Variants in NTM observed in about 807,000 individuals in gnomAD.
The protein encoded by NTM is IgLON family member 2.
Under a neutral mutation model 42.1 loss-of-function variants are expected in NTM, and 13 were observed. The observed-to-expected ratio is 0.31, with a 90% confidence interval of 0.20 to 0.49. The LOEUF is 0.49. NTM is among the 20% of genes least tolerant of loss of function. NTM has a pLI of 0.99. For missense variants in NTM, 373 were observed against 452.8 expected (o/e 0.82, Z 1.60); for synonymous variants, 187 against 179.2 (o/e 1.04, Z -0.35).
At chr11:131,570,028 G>A (rs2057304956) in intron 1 of NTM, among the ~76,000 whole-genome samples, 1 of 152,208 alleles carries the variant, frequency 6.6e-6, no homozygotes, top group Admixed American at 6.5e-5. Context: ...GCTCCTAGGA[G>A]CTTGTCTTTT....
At chr11:131,879,556 G>A (rs576987908) in intron 1 of NTM, among the ~76,000 whole-genome samples, 2 of 152,254 alleles carry the variant, frequency 1.3e-5, no homozygotes, top group Admixed American at 6.5e-5. Context: ...TCAGAAAGGT[G>A]GAATGGAAAA....
chr11:131,424,973 G>T (rs2135863071), intron 1 of NTM, among the ~76,000 whole-genome samples: 1 of 150,476 alleles, frequency 6.6e-6, no homozygotes, highest in South Asian at 2.1e-4. Context: ...TCCGCCTCCT[G>T]GGTTCAAGCA....
intron 1 of NTM, among the ~76,000 whole-genome samples, chr11:131,657,033 A>G (rs2067277578): frequency 6.6e-6 from 1 of 151,192 alleles, no homozygotes; most frequent in African/African-American, 2.4e-5. Flanking sequence ...GCTTCTCTGC[A>G]TTGTTAGCGG....
Position 132,102,371 on chromosome 11 carries a change from G to A in NTM, c.168-43911G>A, listed in dbSNP as rs558764468. On this transcript the variant is annotated intron_variant, in intron 2 of 8. Transcript: ENST00000683400. ...GCTCCTAGGATGTGTTTCTTGCACT[G>A]GAAAGAAGTATTCCTAAGAAGAGAG... 4.6e-5 allele frequency among the ~76,000 whole-genome samples: 7 copies of A among 152,282 alleles called. No individual in the cohort carries two copies. In the South Asian group the frequency reaches 1.5e-3, roughly 32 times the overall value.
chr11:132,042,599 A>G (rs187623103), intron 2 of NTM, among the ~76,000 whole-genome samples: 177 of 152,292 alleles, frequency 1.2e-3, no homozygotes, highest in African/African-American at 4.1e-3. Context: ...TGCCTCCAAG[A>G]AGACAAAGAG....
chr11:131,529,284 A>G (rs2050917693), intron 1 of NTM, among the ~76,000 whole-genome samples: 2 of 152,372 alleles, frequency 1.3e-5, no homozygotes, highest in African/African-American at 4.8e-5. Context: ...CCAGAGGACA[A>G]TCATGTAAAA....
At chr11:131,820,923 C>T (rs976993087) in intron 1 of NTM, among the ~76,000 whole-genome samples, 1 of 152,128 alleles carries the variant, frequency 6.6e-6, no homozygotes, top group Non-Finnish European at 1.5e-5. Context: ...ATTCACACCT[C>T]CTTGTGCACA....
rs7123942 is a variant in NTM at position 132,001,158 on chromosome 11, G to A, written c.167+89510G>A. On this transcript the variant is annotated intron_variant, in intron 2 of 8. Transcript: ENST00000683400. ...GTTGCTAAAGAAAAAAAGCGGCATT[G>A]TATGATTCCATATCAAAGTAGGGCA... is the stretch of plus-strand genomic sequence containing the variant. Among the ~76,000 whole-genome samples, 688 of 152,288 alleles carry A rather than the reference G, an allele frequency of 4.5e-3. 9 individuals are homozygous for A. Among genetic ancestry groups the A allele is most frequent in the African/African-American group, 0.016 (646 of 41,560 alleles).
chr11:131,721,421 G>A (rs2078319013), intron 1 of NTM, among the ~76,000 whole-genome samples: 1 of 152,034 alleles, frequency 6.6e-6, no homozygotes, highest in Non-Finnish European at 1.5e-5. Flanking sequence ...GGATAAGAGT[G>A]CCTCCTTCAT....
At chr11:131,857,821 C>T (rs1203402640) in intron 1 of NTM, among the ~76,000 whole-genome samples, 1 of 152,182 alleles carries the variant, frequency 6.6e-6, no homozygotes, top group Non-Finnish European at 1.5e-5. Flanking sequence ...TCCAATCATC[C>T]TCCCTGCACC....
At chr11:131,432,543 GAC>G (rs1948735261) in intron 1 of NTM, among the ~76,000 whole-genome samples, 1 of 152,144 alleles carries the variant, frequency 6.6e-6, no homozygotes, top group Non-Finnish European at 1.5e-5. Context: ...GGACAACTGA[GAC>G]ACAGTACAGT....
chr11:131,744,607 GA>G (rs940213301), intron 1 of NTM, among the ~76,000 whole-genome samples: 1 of 151,760 alleles, frequency 6.6e-6, no homozygotes, highest in African/African-American at 2.4e-5. Context: ...ATATGGGTTA[GA>G]AAATTAATGT....
chr11:131,554,198 C>T (rs938760069), intron 1 of NTM, among the ~76,000 whole-genome samples: 2 of 152,180 alleles, frequency 1.3e-5, no homozygotes, highest in African/African-American at 4.8e-5. Context: ...GATCATGTGG[C>T]TCCTTCATGG....
At chr11:131,884,651 T>C (rs2050094310) in intron 1 of NTM, among the ~76,000 whole-genome samples, 1 of 151,580 alleles carries the variant, frequency 6.6e-6, no homozygotes, top group Admixed American at 6.6e-5. Flanking sequence ...GAAACACGGG[T>C]CCCAGGGGAA....
chr11:131,614,277 G>A (rs1399959896), intron 1 of NTM, among the ~76,000 whole-genome samples: 1 of 152,216 alleles, frequency 6.6e-6, no homozygotes, highest in Non-Finnish European at 1.5e-5. Context: ...GTGACCTGAG[G>A]AGGGAAGTGG....
At chr11:132,174,723 C>T (rs140773886) in intron 3 of NTM, among the ~76,000 whole-genome samples, 2 of 151,944 alleles carry the variant, frequency 1.3e-5, no homozygotes, top group Admixed American at 1.3e-4. Flanking sequence ...TCCTCGACGG[C>T]TGGGCTGTAT....
At chr11:131,934,547 G>A (rs1409337988) in intron 2 of NTM, among the ~76,000 whole-genome samples, 6 of 152,224 alleles carry the variant, frequency 3.9e-5, no homozygotes, top group African/African-American at 9.6e-5. Context: ...GAGACATGAT[G>A]TATTCTTGGA....
intron 1 of NTM, among the ~76,000 whole-genome samples, chr11:131,531,355 C>T (rs2051254222): frequency 6.6e-6 from 1 of 151,952 alleles, no homozygotes; most frequent in Admixed American, 6.5e-5. Flanking sequence ...ACCTTGTTGC[C>T]CAGGTGGATC....
At chr11:131,991,856 A>C (rs1185461629) in intron 2 of NTM, among the ~76,000 whole-genome samples, 1 of 152,144 alleles carries the variant, frequency 6.6e-6, no homozygotes, top group Admixed American at 6.5e-5. Context: ...GCTTGGTGGA[A>C]ATATGGGAAA....
Sources: gnomAD v4.1 joint callset for allele counts (sites outside exome capture counted in the v4.1 genomes callset) on GRCh38, gnomAD v4.1.1 for gene constraint, MANE v1.5 for transcripts, NCBI Gene and HGNC (gene_info 2026-07-23, HGNC 2026-07-21) for gene names.